RIC1: variants seen among roughly 807,000 people sequenced by gnomAD.
RIC1 encodes the protein guanine nucleotide exchange factor subunit RIC1.
A neutral mutation model predicts 169.0 loss-of-function variants in RIC1; 88 were observed. That is an observed-to-expected ratio of 0.52 (90% CI 0.44 to 0.62). RIC1 has a LOEUF of 0.62. RIC1 is among the 20% of genes least tolerant of loss of function. RIC1 has a pLI of 0.00. For synonymous variants in RIC1, 790 were observed against 601.5 expected (o/e 1.31, Z -4.59); for missense variants, 1,877 against 1,725.5 (o/e 1.09, Z -1.56).
At chr9:5,739,517 A>C (rs1456936206) in intron 8 of RIC1, among the ~76,000 whole-genome samples, 7 of 152,090 alleles carry the variant, frequency 4.6e-5, no homozygotes, top group Admixed American at 2.0e-4. Context: ...CATGGGTCAT[A>C]CTCTCAACCT....
At chr9:5,715,877 G>A (rs1823206635) in intron 4 of RIC1, among the ~76,000 whole-genome samples, 1 of 148,376 alleles carries the variant, frequency 6.7e-6, no homozygotes, top group Non-Finnish European at 1.5e-5. Context: ...AGGCTGAAGT[G>A]CAGTGGCACA....
chr9:5,770,719 T>G (rs1274648331), intron 23 of RIC1, among the ~76,000 whole-genome samples: 1 of 152,196 alleles, frequency 6.6e-6, no homozygotes, highest in Non-Finnish European at 1.5e-5. Context: ...CAATAAAAAT[T>G]GTGGACATTT....
chr9:5,641,549 A>G (rs1318974372), intron 1 of RIC1, among the ~76,000 whole-genome samples: 1 of 152,126 alleles, frequency 6.6e-6, no homozygotes, highest in East Asian at 1.9e-4. Flanking sequence ...TTTAAGGCCA[A>G]TACCTCTTAT....
intron 2 of RIC1, among the ~76,000 whole-genome samples, chr9:5,663,896 T>A (rs866874349): frequency 1.3e-5 from 2 of 152,234 alleles, no homozygotes; most frequent in Admixed American, 6.5e-5. Flanking sequence ...TCCTTCATAG[T>A]GTCACTGATC....
At chr9:5,744,492 G>A (rs754062193) in intron 10 of RIC1, among the ~76,000 whole-genome samples, 1 of 152,116 alleles carries the variant, frequency 6.6e-6, no homozygotes, top group African/African-American at 2.4e-5. Flanking sequence ...TCAGATTTTG[G>A]AACTTTTTGG....
chr9:5,726,455 G>A (rs539320200), intron 6 of RIC1, among the ~76,000 whole-genome samples: 220 of 152,212 alleles, frequency 1.4e-3, no homozygotes, highest in African/African-American at 4.9e-3. Flanking sequence ...GTCTCTGCAC[G>A]TAAGGTAGGT....
At chr9:5,653,624 G>T (rs1025967468) in intron 1 of RIC1, among the ~76,000 whole-genome samples, 5 of 151,384 alleles carry the variant, frequency 3.3e-5, no homozygotes, top group African/African-American at 1.2e-4. Context: ...TTGAGACGGA[G>T]TTTCACTCTG....
At chr9:5,656,873 TCTG>T (rs1819132592) in intron 2 of RIC1, among the ~76,000 whole-genome samples, 183 bp downstream of exon 2, 1 of 152,190 alleles carries the variant, frequency 6.6e-6, no homozygotes, top group South Asian at 2.1e-4. Flanking sequence ...TTCTTCTGAC[TCTG>T]CTACTTCCTT....
intron 17 of RIC1, among the ~76,000 whole-genome samples, chr9:5,760,442 T>C (rs1262338630): frequency 1.3e-5 from 2 of 152,206 alleles, no homozygotes; most frequent in Admixed American, 1.3e-4. Flanking sequence ...TAGTATGAAA[T>C]GTGGTGAAAT....
intron 3 of RIC1, among the ~76,000 whole-genome samples, chr9:5,705,823 C>G (rs942145898): frequency 2.0e-5 from 3 of 152,166 alleles, no homozygotes; most frequent in African/African-American, 7.2e-5. Flanking sequence ...CCCTTCCTTT[C>G]CTCATTTGTT....
chr9:5,756,506 G>A, intron 16 of RIC1, 134 bp downstream of exon 16: 2 of 517,474 alleles, frequency 3.9e-6, no homozygotes, highest in Non-Finnish European at 6.2e-6. Context: ...AAAAAAGCAA[G>A]GAGTTTTAAT....
chr9:5,662,804 C>A (rs896974221), intron 2 of RIC1, among the ~76,000 whole-genome samples: 1 of 151,892 alleles, frequency 6.6e-6, no homozygotes, highest in African/African-American at 2.4e-5. Context: ...ATTCATTGAT[C>A]GTTTGAATGG....
intron 3 of RIC1, among the ~76,000 whole-genome samples, chr9:5,693,724 T>A (rs1586961028): frequency 6.6e-6 from 1 of 152,138 alleles, no homozygotes; most frequent in Non-Finnish European, 1.5e-5. Context: ...AATAGAAGTT[T>A]AGTAGATTTC....
At chr9:5,708,266 C>T (rs776243861) in intron 3 of RIC1, among the ~76,000 whole-genome samples, 1 of 151,978 alleles carries the variant, frequency 6.6e-6, no homozygotes, top group Non-Finnish European at 1.5e-5. Flanking sequence ...TATATAATTA[C>T]TGTTTTATGC....
In RIC1 at chr9:5,720,888, T is replaced by C. The variant is rs187050512; in HGVS notation, c.720+138T>C. 11 of 707,868 alleles carry C rather than the reference T, an allele frequency of 1.6e-5. No individual in the cohort carries two copies. In the East Asian group the frequency reaches 3.3e-4, roughly 21 times the overall value. 43.8% of individuals were successfully genotyped at this position (707,868 alleles called of 1,614,324 possible). On this transcript the variant is annotated intron_variant, in intron 6 of 25. Transcript: ENST00000414202. ...TTTTTAATCAAACCAAACATATAAA[T>C]AGTATAAGTAGACAAAATTCTCTTG...
At chr9:5,738,616 A>T in intron 8 of RIC1, 78 bp downstream of exon 8, 1 of 842,840 alleles carries the variant, frequency 1.2e-6, no homozygotes. Context: ...GCTGATTTTA[A>T]GTTAAACAAT....
intron 1 of RIC1, among the ~76,000 whole-genome samples, chr9:5,630,810 T>G (rs7873169): frequency 0.14 from 21,152 of 152,186 alleles, 2,521 homozygotes; most frequent in African/African-American, 0.32. Context: ...TATCATCTGG[T>G]TCCTAAATGA....
At chr9:5,709,467 T>C (rs1822801577) in intron 3 of RIC1, among the ~76,000 whole-genome samples, 3 of 152,216 alleles carry the variant, frequency 2.0e-5, no homozygotes, top group African/African-American at 7.2e-5. Context: ...TCAATATTTG[T>C]ACGTTTCAGT....
chr9:5,675,450 C>T lies in RIC1; in HGVS notation c.253-14509C>T, dbSNP rs1423958377. The stretch of plus-strand genomic sequence containing the variant: ...GAAACTTAGAACTCCTATCTAACAA[C>T]TATAAGTAATAAATAAGTGAAATAA... On this transcript the variant is annotated intron_variant, in intron 2 of 25. Coordinates refer to ENST00000414202, the MANE Select transcript of RIC1 (RefSeq NM_020829.4). Among the ~76,000 whole-genome samples the T allele has an allele frequency of 2.6e-5, 4 of 152,264 alleles. No homozygotes were observed. In the South Asian group the frequency reaches 8.3e-4, roughly 32 times the overall value.
Sources: gnomAD v4.1 joint callset for allele counts (sites outside exome capture counted in the v4.1 genomes callset) on GRCh38, gnomAD v4.1.1 for gene constraint, MANE v1.5 for transcripts, NCBI Gene and HGNC (gene_info 2026-07-23, HGNC 2026-07-21) for gene names.